PODXL: variants seen among roughly 807,000 people sequenced by gnomAD.
PODXL encodes the protein podocalyxin.
PODXL carries 20 observed loss-of-function variants against 48.9 expected under a neutral mutation model. That is an observed-to-expected ratio of 0.41 (90% CI 0.29 to 0.59). The LOEUF (loss-of-function observed/expected upper bound fraction) is 0.59. Ranked by LOEUF, PODXL falls within the 20% of genes least tolerant of loss-of-function variation. The probability of loss-of-function intolerance (pLI) is 0.31; values close to 1 mark genes in which losing one functional copy is unlikely to be tolerated. For missense variants in PODXL, 606 were observed against 675.1 expected (o/e 0.90, Z 1.13); for synonymous variants, 295 against 287.4 (o/e 1.03, Z -0.27).
chr7:131,549,984 G>A (rs1197492372), intron 1 of PODXL, among the ~76,000 whole-genome samples: 2 of 152,252 alleles, frequency 1.3e-5, no homozygotes, highest in African/African-American at 2.4e-5. Flanking sequence ...CTGCTCCAGC[G>A]ATTCAGGGCA....
At position 131,504,117 on chromosome 7, in the gene PODXL, T is replaced by G; in HGVS notation, c.*194A>C. On this transcript the variant is annotated 3_prime_UTR_variant, in exon 9 of 9. Coordinates refer to ENST00000378555, the MANE Select transcript of PODXL (RefSeq NM_001018111.3). ...TGAGCTCAGGCACTAGTGGGTTATTTTACAAGAGGAATCTGGACAGAATGT... is the reference window on the plus strand; with the variant it reads ...TGAGCTCAGGCACTAGTGGGTTATTGTACAAGAGGAATCTGGACAGAATGT... 1.7e-6 allele frequency: 1 copy of G among 597,070 alleles called. No homozygotes were observed. Among genetic ancestry groups the G allele is most frequent in the African/African-American group, 1.9e-5 (1 of 53,878 alleles). 37.0% of individuals were successfully genotyped at this position (597,070 alleles called of 1,614,324 possible).
intron 6 of PODXL, 23 bp downstream of exon 6, chr7:131,506,556 A>G (rs1797805972): frequency 1.2e-6 from 2 of 1,611,966 alleles, no homozygotes; most frequent in South Asian, 1.1e-5. Context: ...GCCCCAGCCC[A>G]GGCCCCCTTG....
At chr7:131,550,502 T>G (rs1445768119) in intron 1 of PODXL, among the ~76,000 whole-genome samples, 2 of 152,072 alleles carry the variant, frequency 1.3e-5, no homozygotes, top group African/African-American at 4.8e-5. Context: ...AGAAATTAGC[T>G]GGGTGTGGTG....
chr7:131,524,410 A>AG (rs1798146516), intron 1 of PODXL, among the ~76,000 whole-genome samples: 1 of 151,288 alleles, frequency 6.6e-6, no homozygotes, highest in Admixed American at 6.6e-5. Context: ...AGAGAGAGAA[A>AG]ACAACAAGGA....
chr7:131,548,575 C>T (rs1269913416), intron 1 of PODXL, among the ~76,000 whole-genome samples: 1 of 152,216 alleles, frequency 6.6e-6, no homozygotes, highest in Non-Finnish European at 1.5e-5. Flanking sequence ...CCTTGGACCA[C>T]GAGGCCACGT....
chr7:131,504,441 A>G lies in PODXL; in HGVS notation c.1547T>C (p.Met516Thr). Residue 516 changes from methionine (M) to threonine (T), a missense_variant, in exon 9 of 9, where the codon ATG (methionine) becomes ACG (threonine). By Grantham distance (81) the Met-to-Thr change is moderately conservative. Transcript: ENST00000378555. ...CTCCTGCATCTCAGAAGAGGTCTCC[A>G]TCACTTCCAGTGTTGGGTTGTCATG... ...GYHDNPTLEVMETSSEMQEKK... is the reference protein window; with the variant it reads ...GYHDNPTLEVTETSSEMQEKK... The G allele has an allele frequency of 1.2e-6, 2 of 1,614,138 alleles. No individual in the cohort carries two copies. Among genetic ancestry groups the G allele is most frequent in the Non-Finnish European group, 1.7e-6 (2 of 1,179,972 alleles).
chr7:131,509,127 G>T, intron 4 of PODXL, 99 bp from the exon 5 acceptor site: 1 of 1,119,942 alleles, frequency 8.9e-7, no homozygotes, highest in East Asian at 2.4e-5. Flanking sequence ...AAGAGTTCAC[G>T]GCAAGCTGGA....
At chr7:131,554,019 G>C (rs1297575251) in intron 1 of PODXL, among the ~76,000 whole-genome samples, 2 of 152,192 alleles carry the variant, frequency 1.3e-5, no homozygotes, top group African/African-American at 2.4e-5. Context: ...GGGGGAGAGG[G>C]GCAGGGATGG....
At position 131,501,869 on chromosome 7, in the gene PODXL, G is replaced by T. The variant is rs2116767035; in HGVS notation, c.*2442C>A. ...GTCCTGGTGGCAAGAGCAAGGCAAG[G>T]TGTCAGATTCTGAAGCTGTCCTAAG... On this transcript the variant is annotated 3_prime_UTR_variant, in exon 9 of 9. Transcript: ENST00000378555. The T allele has an allele frequency of 1.3e-5, 2 of 152,384 alleles. 1 individual carries two copies. Among genetic ancestry groups the T allele is most frequent in the South Asian group, 4.1e-4 (2 of 4,826 alleles). The allele number at this position is 152,384 out of a possible 1,614,324, so 9.4% of individuals were successfully genotyped here. A position where few individuals can be genotyped will look rare whatever the true frequency, so the allele number is the denominator to read the frequency against.
intron 1 of PODXL, among the ~76,000 whole-genome samples, chr7:131,555,244 C>A (rs1346903038): frequency 6.6e-6 from 1 of 152,292 alleles, no homozygotes; most frequent in East Asian, 1.9e-4. Flanking sequence ...GGTGATCACA[C>A]CACCTCAGCT....
At chr7:131,506,134 G>A (rs1469262713) in intron 7 of PODXL, 99 bp from the exon 8 acceptor site, 9 of 1,544,632 alleles carry the variant, frequency 5.8e-6, no homozygotes, top group African/African-American at 2.7e-5. Context: ...GCTAGGGTCC[G>A]TGCCGCCGCC....
intron 1 of PODXL, among the ~76,000 whole-genome samples, chr7:131,529,835 G>A (rs184325169): frequency 1.4e-4 from 22 of 152,130 alleles, no homozygotes; most frequent in African/African-American, 5.1e-4. Flanking sequence ...GGGTGTGTAC[G>A]CACTCTCCTG....
At chr7:131,534,421 C>T (rs928709944) in intron 1 of PODXL, among the ~76,000 whole-genome samples, 2 of 152,214 alleles carry the variant, frequency 1.3e-5, no homozygotes, top group Admixed American at 6.5e-5. Flanking sequence ...ATAATGACCC[C>T]GCACCCCATC....
At chr7:131,529,394 A>T (rs1379473668) in intron 1 of PODXL, among the ~76,000 whole-genome samples, 1 of 152,088 alleles carries the variant, frequency 6.6e-6, no homozygotes, top group African/African-American at 2.4e-5. Flanking sequence ...TCAATCTTCA[A>T]GGAGGGCCTG....
intron 1 of PODXL, among the ~76,000 whole-genome samples, chr7:131,532,598 C>T (rs531308970): frequency 6.6e-6 from 1 of 151,668 alleles, no homozygotes; most frequent in Non-Finnish European, 1.5e-5. Flanking sequence ...TGTGCTCTTT[C>T]CCTCTAAATG....
intron 1 of PODXL, among the ~76,000 whole-genome samples, chr7:131,532,957 C>T (rs1007779886): frequency 3.3e-5 from 5 of 152,158 alleles, no homozygotes; most frequent in Non-Finnish European, 5.9e-5. Context: ...TTTCAGCCCC[C>T]AGATCTGTGA....
chr7:131,552,578 C>T (rs1488688068), intron 1 of PODXL, among the ~76,000 whole-genome samples: 1 of 152,206 alleles, frequency 6.6e-6, no homozygotes, highest in East Asian at 1.9e-4. Flanking sequence ...ACCCTGAGGA[C>T]CCTCCTGGGC....
At position 131,504,198 on chromosome 7, in the gene PODXL, C is replaced by T; in HGVS notation, c.*113G>A. On this transcript the variant is annotated 3_prime_UTR_variant, in exon 9 of 9. Coordinates refer to ENST00000378555, the MANE Select transcript of PODXL (RefSeq NM_001018111.3). ...AGGCCCTGGGGGGATTGGGAGGGGA[C>T]ACCCCTCGGAGTTCACTCTCCCTCC... The T allele has an allele frequency of 1.3e-6, 1 of 798,116 alleles. No homozygotes were observed. The highest frequency in any genetic ancestry group is 2.0e-6 in the Non-Finnish European group (1 of 491,596). 49.4% of individuals were successfully genotyped at this position (798,116 alleles called of 1,614,324 possible). A position where few individuals can be genotyped will look rare whatever the true frequency, so the allele number is the denominator to read the frequency against.
At chr7:131,552,392 G>C (rs118088522) in intron 1 of PODXL, among the ~76,000 whole-genome samples, 4,797 of 152,286 alleles carry the variant, frequency 0.031, 106 homozygotes, top group South Asian at 0.05. Flanking sequence ...CCCTGCAAGG[G>C]GGGGAATTCT....
Sources: allele counts gnomAD v4.1 joint callset (sites outside exome capture counted in the v4.1 genomes callset), GRCh38; gene constraint gnomAD v4.1.1; transcripts MANE v1.5; gene names NCBI Gene and HGNC (gene_info 2026-07-23, HGNC 2026-07-21).